Variants in BMS1 observed in about 807,000 individuals in gnomAD.
The protein encoded by BMS1 is BMS1 ribosome biogenesis factor, also known as ribosome biogenesis protein BMS1 homolog.
Under a neutral mutation model 138.7 loss-of-function variants are expected in BMS1, and 53 were observed. The ratio of observed to expected loss-of-function variants is 0.38; its 90% CI spans 0.31 to 0.48. The LOEUF (loss-of-function observed/expected upper bound fraction) is 0.48. BMS1 is among the 20% of genes least tolerant of loss of function. The pLI is 0.97. For missense variants in BMS1, 1,360 were observed against 1,565.5 expected, an observed-to-expected ratio of 0.87 and a Z score of 2.22; for synonymous variants, 504 against 539.9, an observed-to-expected ratio of 0.93 and a Z score of 0.92.
At chr10:42,820,829 A>G in intron 17 of BMS1, 105 bp from the exon 18 acceptor site, 3 of 1,202,784 alleles carry the variant, frequency 2.5e-6, no homozygotes, top group Admixed American at 2.0e-5. Flanking sequence ...GGTTTGGAGT[A>G]TATATGTAAA....
chr10:42,785,095 G>C (rs1841284581), intron 2 of BMS1, among the ~76,000 whole-genome samples: 1 of 152,170 alleles, frequency 6.6e-6, no homozygotes, highest in Non-Finnish European at 1.5e-5. Flanking sequence ...GTAAGTAGGA[G>C]AGCTAAATGT....
chr10:42,786,237 G>A (rs1378288142), intron 3 of BMS1, among the ~76,000 whole-genome samples: 2 of 152,218 alleles, frequency 1.3e-5, no homozygotes, highest in Non-Finnish European at 2.9e-5. Flanking sequence ...CATTCTGGTG[G>A]AAGTGCGAGT....
chr10:42,821,228 T>C (rs944578922), intron 18 of BMS1, among the ~76,000 whole-genome samples: 2 of 152,152 alleles, frequency 1.3e-5, no homozygotes, highest in Non-Finnish European at 2.9e-5. Context: ...TTGCATTTAT[T>C]TATCTAAGCA....
chr10:42,798,865 T>C (rs1469256516), intron 12 of BMS1, among the ~76,000 whole-genome samples: 1 of 152,248 alleles, frequency 6.6e-6, no homozygotes, highest in Non-Finnish European at 1.5e-5. Context: ...TGGACAGTAG[T>C]GTGCATCTTT....
At chr10:42,783,963 C>T (rs975152526) in intron 1 of BMS1, among the ~76,000 whole-genome samples, 1 of 152,150 alleles carries the variant, frequency 6.6e-6, no homozygotes, top group Non-Finnish European at 1.5e-5. Flanking sequence ...CCACATGTGA[C>T]TATTTGGAGT....
intron 15 of BMS1, among the ~76,000 whole-genome samples, chr10:42,818,108 G>A (rs564573153): frequency 6.6e-6 from 1 of 152,198 alleles, no homozygotes; most frequent in African/African-American, 2.4e-5. Context: ...CATCTGAGTT[G>A]CGTCTTGTTA....
intron 22 of BMS1, 135 bp downstream of exon 22, chr10:42,830,557 C>T (rs1842773899): frequency 8.0e-7 from 1 of 1,254,162 alleles, no homozygotes; most frequent in South Asian, 1.6e-5. Context: ...AGCCAGAGTC[C>T]ATTTCCCTTT....
intron 12 of BMS1, among the ~76,000 whole-genome samples, chr10:42,801,185 C>A (rs898005957): frequency 6.6e-6 from 1 of 152,206 alleles, no homozygotes; most frequent in Admixed American, 6.5e-5. Context: ...ACTTCTAGGC[C>A]TTCTCAGTGA....
In BMS1 at chr10:42,833,220, A is replaced by G. The variant is rs2132404489; in HGVS notation, c.*2124A>G. 6.6e-6 allele frequency: 1 copy of G among 152,360 alleles called. No homozygotes were observed. The highest frequency in any genetic ancestry group is 2.4e-5 in the African/African-American group (1 of 41,580). 9.4% of individuals were successfully genotyped at this position (152,360 alleles called of 1,614,324 possible). A position where few individuals can be genotyped will look rare whatever the true frequency, so the allele number is the denominator to read the frequency against. On this transcript the variant is annotated 3_prime_UTR_variant, in exon 23 of 23. Transcript: ENST00000374518. ...AATCTTGGTTTATCATATTTGGAGA[A>G]CAAGGGAAATAAAAAGTTTGCATAT...
chr10:42,801,220 A>G (rs7908362), intron 12 of BMS1, among the ~76,000 whole-genome samples: 16,751 of 152,220 alleles, frequency 0.11, 1,072 homozygotes, highest in African/African-American at 0.17. Context: ...GCTCATATAG[A>G]TATTTCCAGT....
intron 13 of BMS1, among the ~76,000 whole-genome samples, chr10:42,809,724 T>G (rs906615263): frequency 1.3e-5 from 2 of 152,194 alleles, no homozygotes; most frequent in Non-Finnish European, 2.9e-5. Context: ...TGCCTTTTGG[T>G]GTCAGTTGAT....
rs1321569798 is a variant in BMS1 at position 42,812,924 on chromosome 10, G to A, written c.2330-3675G>A. Among the ~76,000 whole-genome samples, 20 of 152,320 alleles carry A rather than the reference G, an allele frequency of 1.3e-4. No individual in the cohort carries two copies. In the East Asian group the frequency reaches 2.5e-3, roughly 19 times the overall value. On this transcript the variant is annotated intron_variant, in intron 13 of 22. Coordinates refer to ENST00000374518, the MANE Select transcript of BMS1 (RefSeq NM_014753.4). ...TGGGGAGCCTTTGCTGCTGGGTGGC[G>A]GGGTAGGGGGTGTCTGGTAGAAACA...
At chr10:42,784,025 T>C (rs907748879) in intron 1 of BMS1, among the ~76,000 whole-genome samples, 1 of 152,208 alleles carries the variant, frequency 6.6e-6, no homozygotes, top group African/African-American at 2.4e-5. Context: ...AAGTATATTG[T>C]AAGTAACCAC....
In BMS1 at chr10:42,796,553, G is replaced by A; in HGVS notation, c.1309G>A (p.Asp437Asn). The A allele has an allele frequency of 6.2e-7, 1 of 1,614,188 alleles. No individual in the cohort carries two copies. The highest frequency in any genetic ancestry group is 1.3e-5 in the African/African-American group (1 of 75,040). ...MRRKAIFGDE[D>N]ESGDSDDEED... Reference sequence around the variant, plus strand: ...TCGGAAAGCCATTTTCGGAGATGAAGATGAATCTGGAGATAGTGATGATGA... The same window carrying A: ...TCGGAAAGCCATTTTCGGAGATGAAAATGAATCTGGAGATAGTGATGATGA... The change falls in exon 10 of 23, where the codon GAT becomes AAT. Residue 437 changes from aspartate (D) to asparagine (N), a missense_variant. Transcript: ENST00000374518.
At chr10:42,807,611 ACAGGCAT>A (rs1210745065) in intron 13 of BMS1, among the ~76,000 whole-genome samples, 1 of 152,128 alleles carries the variant, frequency 6.6e-6, no homozygotes, top group Non-Finnish European at 1.5e-5. Context: ...AGCTGGGACT[ACAGGCAT>A]GCACCACCGT....
At chr10:42,809,267 T>A (rs1315932396) in intron 13 of BMS1, among the ~76,000 whole-genome samples, 1 of 152,218 alleles carries the variant, frequency 6.6e-6, no homozygotes. Context: ...GTTTCTCTTT[T>A]GTCCTGCTAA....
At chr10:42,795,619 C>T (rs1341223460) in intron 9 of BMS1, among the ~76,000 whole-genome samples, 2 of 151,948 alleles carry the variant, frequency 1.3e-5, no homozygotes, top group East Asian at 3.9e-4. Flanking sequence ...CTACCCCTGG[C>T]CTATTATTGC....
chr10:42,791,761 G>A lies in BMS1; in HGVS notation c.771G>A (p.Leu257=). The change falls in exon 6 of 23, where the codon CTG becomes CTA. Residue 257 remains leucine (L), a synonymous_variant. Coordinates refer to ENST00000374518, the MANE Select transcript of BMS1 (RefSeq NM_014753.4). ...LTWQTSHPYI[L]ADRMEDLTNP... is the part of the protein sequence containing the mutation. ...GGCAAACTTCTCACCCTTATATCCT[G>A]GCAGACAGGTAAAATATGATTTTAA... 6.3e-7 allele frequency: 1 copy of A among 1,597,946 alleles called. No homozygotes were observed. The highest frequency in any genetic ancestry group is 8.5e-7 in the Non-Finnish European group (1 of 1,176,126).
At chr10:42,794,025 G>A in intron 9 of BMS1, 34 bp downstream of exon 9, 1 of 1,602,356 alleles carries the variant, frequency 6.2e-7, no homozygotes, top group Non-Finnish European at 8.5e-7. Flanking sequence ...TTAATAAAAA[G>A]ATGTATTACA....
Sources: allele counts gnomAD v4.1 joint callset (sites outside exome capture counted in the v4.1 genomes callset), GRCh38; gene constraint gnomAD v4.1.1; transcripts MANE v1.5; gene names NCBI Gene and HGNC (gene_info 2026-07-23, HGNC 2026-07-21).